PCCA: variants seen among roughly 807,000 people sequenced by gnomAD.
PCCA encodes the protein propionyl-CoA carboxylase alpha chain, mitochondrial.
Under a neutral mutation model 101.3 loss-of-function variants are expected in PCCA, and 74 were observed. The ratio of observed to expected loss-of-function variants is 0.73; its 90% confidence interval spans 0.61 to 0.89. The LOEUF (loss-of-function observed/expected upper bound fraction) is 0.89, where lower values mean the gene tolerates loss of function less well. Among genes scored for constraint, PCCA ranks in the 40% least tolerant of loss-of-function variants. PCCA has a pLI of 0.00. For synonymous variants in PCCA, 294 were observed against 313.6 expected, an observed-to-expected ratio of 0.94 and a Z score of 0.66; for missense variants, 891 against 907.0, an observed-to-expected ratio of 0.98 and a Z score of 0.23.
At chr13:100,434,857 C>G (rs559912892) in intron 20 of PCCA, among the ~76,000 whole-genome samples, 1 of 152,288 alleles carries the variant, frequency 6.6e-6, no homozygotes, top group South Asian at 2.1e-4. Flanking sequence ...AGAGTTCAGC[C>G]TTAAATTCTA....
chr13:100,347,097 G>A lies in PCCA; in HGVS notation c.1643+6838G>A, dbSNP rs140503758. ...TCACCGTGTTAGCCAGGATGGTCAC[G>A]ATCTCCTGACCTTGTGATCCGCCTG... On this transcript the variant is annotated intron_variant, in intron 18 of 23. Transcript: ENST00000376285. Among the ~76,000 whole-genome samples the A allele has an allele frequency of 3.9e-3, 597 of 152,198 alleles. 9 individuals carry two copies. The highest frequency in any genetic ancestry group is 0.012 in the African/African-American group (516 of 41,546).
chr13:100,332,610 C>A (rs1246825979), intron 17 of PCCA, among the ~76,000 whole-genome samples: 2 of 152,098 alleles, frequency 1.3e-5, no homozygotes, highest in African/African-American at 4.8e-5. Context: ...TTTAAATTTT[C>A]TAATCAGAGT....
At chr13:100,151,268 C>T (rs1380411552) in intron 4 of PCCA, among the ~76,000 whole-genome samples, 1 of 152,168 alleles carries the variant, frequency 6.6e-6, no homozygotes, top group African/African-American at 2.4e-5. Flanking sequence ...AGTAATTTTT[C>T]TCTGAAGAAT....
intron 18 of PCCA, among the ~76,000 whole-genome samples, chr13:100,358,365 G>A (rs1451192967): frequency 6.6e-6 from 1 of 152,160 alleles, no homozygotes; most frequent in Non-Finnish European, 1.5e-5. Context: ...TAATCCAGAG[G>A]AAAAGCAGTC....
At chr13:100,269,559 G>A (rs1387207433) in intron 11 of PCCA, among the ~76,000 whole-genome samples, 1 of 152,176 alleles carries the variant, frequency 6.6e-6, no homozygotes, top group Non-Finnish European at 1.5e-5. Flanking sequence ...TGAGTTTGGT[G>A]TATGGGGCCT....
At chr13:100,482,331 T>C (rs2084006462) in intron 21 of PCCA, among the ~76,000 whole-genome samples, 1 of 152,076 alleles carries the variant, frequency 6.6e-6, no homozygotes, top group South Asian at 2.1e-4. Flanking sequence ...TGACTCAGGT[T>C]GACTTTCAGG....
At chr13:100,350,002 G>A (rs1263648774) in intron 18 of PCCA, among the ~76,000 whole-genome samples, 3 of 152,020 alleles carry the variant, frequency 2.0e-5, no homozygotes, top group African/African-American at 7.2e-5. Flanking sequence ...TGCCTTTCCT[G>A]GTTTCAGATA....
intron 1 of PCCA, among the ~76,000 whole-genome samples, chr13:100,092,041 C>T (rs1310370657): frequency 1.3e-5 from 2 of 152,054 alleles, no homozygotes; most frequent in African/African-American, 2.4e-5. Flanking sequence ...TTGCCTCAGC[C>T]TCCCAAGTGG....
At chr13:100,346,552 C>T (rs902437226) in intron 18 of PCCA, among the ~76,000 whole-genome samples, 2 of 152,242 alleles carry the variant, frequency 1.3e-5, no homozygotes, top group East Asian at 3.9e-4. Flanking sequence ...ATGCTGTGAA[C>T]ATTGTTGAAA....
chr13:100,313,636 C>T (rs1020185064), intron 16 of PCCA, among the ~76,000 whole-genome samples: 8 of 152,110 alleles, frequency 5.3e-5, no homozygotes, highest in Non-Finnish European at 1.2e-4. Flanking sequence ...AGTCTGTTCC[C>T]CAGACAAGGA....
intron 4 of PCCA, among the ~76,000 whole-genome samples, chr13:100,145,911 GT>G (rs1462713686): frequency 6.7e-6 from 1 of 148,710 alleles, no homozygotes; most frequent in African/African-American, 2.5e-5. Flanking sequence ...TATATTACAT[GT>G]AATTAAAAAC....
chr13:100,130,096 A>C (rs563466541), intron 4 of PCCA, among the ~76,000 whole-genome samples: 1 of 152,300 alleles, frequency 6.6e-6, no homozygotes, highest in African/African-American at 2.4e-5. Flanking sequence ...ACCAGAGAAA[A>C]ATGTCAGATC....
intron 19 of PCCA, among the ~76,000 whole-genome samples, chr13:100,387,520 A>T (rs963871568): frequency 1.6e-4 from 24 of 152,228 alleles, no homozygotes; most frequent in African/African-American, 5.5e-4. Flanking sequence ...AAGCAAGAAC[A>T]TCCAAAAGTA....
At chr13:100,218,659 C>T (rs775602952) in intron 7 of PCCA, among the ~76,000 whole-genome samples, 34 of 152,270 alleles carry the variant, frequency 2.2e-4, no homozygotes, top group Middle Eastern at 3.4e-3. Context: ...AATTGCTTCT[C>T]TAACTAATAG....
Position 100,412,256 on chromosome 13 carries a change from A to G in PCCA, c.1747-13377A>G, listed in dbSNP as rs77123365. Among the ~76,000 whole-genome samples, 785 of 152,332 alleles carry G rather than the reference A, an allele frequency of 5.2e-3. 6 individuals are homozygous for G. Among genetic ancestry groups the G allele is most frequent in the African/African-American group, 0.018 (747 of 41,586 alleles). ...GCCATCTAGTTCACAGACTCTGTTC[A>G]CATTCACTAAGGAGAGGGTCCTTGT... On this transcript the variant is annotated intron_variant, in intron 19 of 23. Transcript: ENST00000376285.
intron 6 of PCCA, among the ~76,000 whole-genome samples, chr13:100,183,709 T>C (rs1438096058): frequency 1.3e-5 from 2 of 151,938 alleles, no homozygotes; most frequent in Non-Finnish European, 2.9e-5. Flanking sequence ...GAAAAAGGGG[T>C]GCTGCATTGA....
At chr13:100,105,371 C>T (rs567209207) in intron 2 of PCCA, among the ~76,000 whole-genome samples, 2 of 152,184 alleles carry the variant, frequency 1.3e-5, no homozygotes, top group East Asian at 1.9e-4. Context: ...TGTTGCATTC[C>T]AATCTCGAAG....
At chr13:100,192,167 A>C (rs2057784787) in intron 6 of PCCA, among the ~76,000 whole-genome samples, 5 of 152,144 alleles carry the variant, frequency 3.3e-5, no homozygotes, top group Admixed American at 3.3e-4. Context: ...CATTGTAGTA[A>C]ATTTATGTAG....
intron 12 of PCCA, among the ~76,000 whole-genome samples, chr13:100,299,835 C>T (rs1265859258): frequency 2.6e-5 from 4 of 152,196 alleles, no homozygotes; most frequent in African/African-American, 9.6e-5. Context: ...GCCTCAGCCT[C>T]CTGAGTAGCT....
Sources: allele counts gnomAD v4.1 joint callset (sites outside exome capture counted in the v4.1 genomes callset), GRCh38; gene constraint gnomAD v4.1.1; transcripts MANE v1.5; gene names NCBI Gene and HGNC (gene_info 2026-07-23, HGNC 2026-07-21).